Variants in ANKRD36C observed in about 807,000 individuals in gnomAD.
The protein encoded by ANKRD36C is ankyrin repeat domain-containing protein 36C.
Under a neutral mutation model 276.4 loss-of-function variants are expected in ANKRD36C, and 61 were observed. The observed-to-expected ratio is 0.22, with a 90% CI of 0.18 to 0.27. The LOEUF (loss-of-function observed/expected upper bound fraction) is 0.27. Ranked by LOEUF, ANKRD36C falls within the 10% of genes least tolerant of loss-of-function variation. The pLI, the probability that ANKRD36C is intolerant of heterozygous loss-of-function variation, is 1.00. For missense variants in ANKRD36C, 1,447 were observed against 2,032.3 expected, an observed-to-expected ratio of 0.71 and a Z score of 5.54; for synonymous variants, 483 against 680.1, an observed-to-expected ratio of 0.71 and a Z score of 4.51.
At chr2:95,910,003 T>A (rs1279968086) in intron 42 of ANKRD36C, among the ~76,000 whole-genome samples, 1 of 151,352 alleles carries the variant, frequency 6.6e-6, no homozygotes, top group Non-Finnish European at 1.5e-5. Flanking sequence ...AAGTTTTCTG[T>A]CTGTTCTTAG....
At chr2:95,885,011 C>T (rs1676169865) in intron 52 of ANKRD36C, among the ~76,000 whole-genome samples, 1 of 152,004 alleles carries the variant, frequency 6.6e-6, no homozygotes, top group African/African-American at 2.4e-5. Flanking sequence ...TCCAAAATTT[C>T]TTCATCCATT....
At chr2:95,857,243 A>T in intron 62 of ANKRD36C, 66 bp downstream of exon 82, 1 of 1,559,446 alleles carries the variant, frequency 6.4e-7, no homozygotes, top group South Asian at 1.2e-5. Flanking sequence ...TACATTAAAC[A>T]AAAGAGATGG....
intron 26 of ANKRD36C, among the ~76,000 whole-genome samples, chr2:95,928,422 A>G (rs2104436900): frequency 6.6e-6 from 1 of 151,598 alleles, no homozygotes; most frequent in East Asian, 2.0e-4. Context: ...AGGAGTAATG[A>G]GTCACTGTGG....
chr2:95,945,754 G>A (rs1678030767), intron 17 of ANKRD36C, among the ~76,000 whole-genome samples: 1 of 152,280 alleles, frequency 6.6e-6, no homozygotes, highest in Non-Finnish European at 1.5e-5. Flanking sequence ...ATTCATGAAT[G>A]AAGGCCACAC....
chr2:95,895,715 T>C, intron 44 of ANKRD36C, 125 bp from the exon 61 acceptor site: 16 of 1,496,800 alleles, frequency 1.1e-5, no homozygotes, highest in Non-Finnish European at 1.4e-5. Context: ...TCATGGCTTC[T>C]ACTTTGTCTC....
chr2:95,978,855 T>C (rs1573816877), intron 5 of ANKRD36C, among the ~76,000 whole-genome samples: 2 of 152,150 alleles, frequency 1.3e-5, no homozygotes, highest in Non-Finnish European at 2.9e-5. Context: ...GGTAACACGA[T>C]TGTTAACTAT....
At chr2:95,911,725 C>T (rs550854735) in intron 42 of ANKRD36C, among the ~76,000 whole-genome samples, 1 of 151,448 alleles carries the variant, frequency 6.6e-6, no homozygotes, top group Non-Finnish European at 1.5e-5. Context: ...CTCAGGATTC[C>T]TCCGCAGTAA....
At chr2:95,916,300 TTG>T (rs1677094919) in intron 36 of ANKRD36C, 129 bp from the exon 39 acceptor site, 5 of 1,489,318 alleles carry the variant, frequency 3.4e-6, no homozygotes, top group Non-Finnish European at 4.6e-6. Context: ...GGCTTCTACT[TTG>T]TGTCTGGGGA....
At chr2:95,964,013 ATGTGTGTG>A (rs373586908) in intron 6 of ANKRD36C, among the ~76,000 whole-genome samples, 231 of 20,194 alleles carry the variant, frequency 0.011, no homozygotes, top group East Asian at 0.018. Flanking sequence ...ATATATATAT[ATGTGTGTG>A]TGTGTCATGA....
chr2:95,962,106 A>G (rs569579200), intron 8 of ANKRD36C, among the ~76,000 whole-genome samples: 1 of 152,014 alleles, frequency 6.6e-6, no homozygotes, highest in Non-Finnish European at 1.5e-5. Flanking sequence ...TTAGCCTGTT[A>G]TATCTTGCAC....
At chr2:95,878,075 T>C (rs1378534600) in intron 58 of ANKRD36C, among the ~76,000 whole-genome samples, 21 of 147,736 alleles carry the variant, frequency 1.4e-4, no homozygotes, top group Non-Finnish European at 7.4e-5. Context: ...TCTCAGCTAC[T>C]CAGGGGGCTG....
chr2:95,856,217 A>G (rs1003358985), intron 62 of ANKRD36C, 37 bp from the exon 83 acceptor site: 2 of 1,574,878 alleles, frequency 1.3e-6, no homozygotes, highest in East Asian at 2.3e-5. Flanking sequence ...CTAGTATCCA[A>G]TAGGATAACA....
intron 13 of ANKRD36C, among the ~76,000 whole-genome samples, chr2:95,954,840 A>G (rs987880764): frequency 1.3e-5 from 2 of 152,082 alleles, no homozygotes; most frequent in Non-Finnish European, 2.9e-5. Context: ...ATTCATCACT[A>G]TCTAAATATC....
At position 95,966,409 on chromosome 2, in the gene ANKRD36C, A is replaced by G. The variant is rs1016349259; in HGVS notation, c.800-3862T>C. On this transcript the variant is annotated intron_variant, in intron 6 of 66. Transcript: ENST00000456556. ...AAGGCTAGCCAGTTTTCCCAACACAATTTATTAAATAGGGAATCCTTACCC... is the reference window on the plus strand; with the variant it reads ...AAGGCTAGCCAGTTTTCCCAACACAGTTTATTAAATAGGGAATCCTTACCC... Among the ~76,000 whole-genome samples the G allele has an allele frequency of 1.5e-4, 23 of 152,116 alleles. 1 individual carries two copies. The highest frequency in any genetic ancestry group is 7.4e-5 in the Non-Finnish European group (5 of 68,026).
chr2:95,915,937 T>C (rs1459657082), intron 38 of ANKRD36C, 43 bp downstream of exon 40: 3 of 1,537,034 alleles, frequency 2.0e-6, no homozygotes, highest in South Asian at 2.4e-5. Flanking sequence ...GAGAACTTCT[T>C]ATCTGGACTG....
At chr2:95,991,140 G>C (rs2438923) in intron 1 of ANKRD36C, among the ~76,000 whole-genome samples, 3 of 113,366 alleles carry the variant, frequency 2.6e-5, no homozygotes, top group African/African-American at 7.1e-5. Context: ...ACCCCTTTCC[G>C]CCACCCCATT....
Position 95,921,687 on chromosome 2 carries a change from G to C in ANKRD36C, c.2173-8C>G. ...TTCCTCGTCAGTTGTAGCCTGAATG[G>C]AATTTGAAAGAAAATAATAAATAAA... On this transcript the variant is annotated splice_polypyrimidine_tract_variant and splice_region_variant and intron_variant, in intron 33 of 66. Coordinates refer to ENST00000456556, the Ensembl canonical transcript of ANKRD36C. 6.3e-7 allele frequency: 1 copy of C among 1,597,944 alleles called. No individual in the cohort carries two copies. Among genetic ancestry groups the C allele is most frequent in the Non-Finnish European group, 8.5e-7 (1 of 1,173,440 alleles).
intron 6 of ANKRD36C, among the ~76,000 whole-genome samples, chr2:95,970,901 T>G (rs1678683886): frequency 6.6e-6 from 1 of 152,140 alleles, no homozygotes; most frequent in Admixed American, 6.5e-5. Flanking sequence ...TAGTGCTGTG[T>G]AGTACACAGC....
At chr2:95,879,697 TAAAAC>T (rs920195433) in intron 58 of ANKRD36C, among the ~76,000 whole-genome samples, 15 of 152,094 alleles carry the variant, frequency 9.9e-5, no homozygotes, top group African/African-American at 1.7e-4. Context: ...CAATAAAAGT[TAAAAC>T]AAAACAAATG....
Sources: gnomAD v4.1 joint callset for allele counts (sites outside exome capture counted in the v4.1 genomes callset) on GRCh38, gnomAD v4.1.1 for gene constraint, MANE v1.5 for transcripts, NCBI Gene and HGNC (gene_info 2026-07-23, HGNC 2026-07-21) for gene names.